Variants in CRLS1 observed in about 807,000 individuals in gnomAD.
CRLS1 encodes the protein cardiolipin synthase (CMP-forming).
In CRLS1, 24 loss-of-function variants were observed where a neutral mutation model predicts 37.0. The observed-to-expected ratio is 0.65, with a 90% CI of 0.47 to 0.91. The LOEUF (loss-of-function observed/expected upper bound fraction) is 0.91, where lower values mean the gene tolerates loss of function less well. Ranked by LOEUF, CRLS1 falls within the 40% of genes least tolerant of loss-of-function variation. The pLI is 0.00. For synonymous variants in CRLS1, 135 were observed against 159.7 expected, an observed-to-expected ratio of 0.85 and a Z score of 1.17; for missense variants, 373 against 395.8, an observed-to-expected ratio of 0.94 and a Z score of 0.49.
intron 3 of CRLS1, chr20:6,028,255 C>T (rs1378833387): frequency 6.6e-6 from 1 of 151,832 alleles, no homozygotes; most frequent in Non-Finnish European, 1.5e-5. Flanking sequence ...TCTTTTTGGT[C>T]TTTTTATGGG....
intron 6 of CRLS1, among the ~76,000 whole-genome samples, chr20:6,035,131 T>G (rs1356360030): frequency 1.3e-5 from 2 of 152,242 alleles, no homozygotes; most frequent in African/African-American, 4.8e-5. Flanking sequence ...TAACTAGAAT[T>G]AAAATTATCT....
intron 6 of CRLS1, 70 bp downstream of exon 6, chr20:6,034,625 C>A: frequency 8.8e-7 from 1 of 1,135,006 alleles, no homozygotes; most frequent in Admixed American, 1.8e-5. Flanking sequence ...CCTAGAATGA[C>A]CTTGTTCTTA....
intron 4 of CRLS1, 102 bp from the exon 5 acceptor site, chr20:6,031,910 G>A (rs1980193720): frequency 2.5e-6 from 2 of 814,662 alleles, no homozygotes; most frequent in Admixed American, 4.3e-5. Flanking sequence ...GATTTATAAA[G>A]TTATGTTGTT....
Position 6,039,411 on chromosome 20 carries a change from T to C in CRLS1, c.*2253T>C, listed in dbSNP as rs1422930642. The C allele has an allele frequency of 6.6e-6, 1 of 152,182 alleles. No individual in the cohort carries two copies. The highest frequency in any genetic ancestry group is 1.5e-5 in the Non-Finnish European group (1 of 68,036). The allele number at this position is 152,182 out of a possible 1,614,324, so 9.4% of individuals were successfully genotyped here. On this transcript the variant is annotated 3_prime_UTR_variant, in exon 7 of 7. Coordinates refer to ENST00000378863, the MANE Select transcript of CRLS1 (RefSeq NM_019095.6). ...AGGCCAATTCTTTTAGTTACATTTA[T>C]GATGAAACTAGGGATCTACCTTAAA... is the stretch of plus-strand genomic sequence containing the variant.
At chr20:6,013,747 G>A (rs2122935752) in intron 2 of CRLS1, among the ~76,000 whole-genome samples, 1 of 152,312 alleles carries the variant, frequency 6.6e-6, no homozygotes, top group East Asian at 1.9e-4. Flanking sequence ...TCATCAGTTT[G>A]AAGTGAGACC....
chr20:6,030,093 G>A (rs543975825), intron 3 of CRLS1, among the ~76,000 whole-genome samples: 6 of 150,136 alleles, frequency 4.0e-5, no homozygotes, highest in African/African-American at 1.5e-4. Flanking sequence ...TAGTTTGGAT[G>A]CTGTTGGAAC....
chr20:6,022,591 G>A (rs1979366214), intron 3 of CRLS1, among the ~76,000 whole-genome samples: 1 of 152,076 alleles, frequency 6.6e-6, no homozygotes, highest in Non-Finnish European at 1.5e-5. Context: ...ACCCACCTTG[G>A]CCTTCCAAAG....
At chr20:6,016,815 C>T (rs777214629) in intron 3 of CRLS1, among the ~76,000 whole-genome samples, 2 of 152,054 alleles carry the variant, frequency 1.3e-5, no homozygotes, top group African/African-American at 4.8e-5. Context: ...TTTTTCCAGG[C>T]TCCCATGTCT....
intron 3 of CRLS1, among the ~76,000 whole-genome samples, chr20:6,024,379 C>T (rs1041519271): frequency 5.3e-5 from 8 of 152,110 alleles, no homozygotes; most frequent in African/African-American, 1.9e-4. Flanking sequence ...GCAGTGAACC[C>T]GTCAGAGTCA....
At chr20:6,020,924 G>A (rs987316934) in intron 3 of CRLS1, among the ~76,000 whole-genome samples, 5 of 151,472 alleles carry the variant, frequency 3.3e-5, no homozygotes, top group Non-Finnish European at 1.5e-5. Context: ...GAGCCACCGC[G>A]CCCGGCCTAA....
chr20:6,035,267 T>A (rs1175768909), intron 6 of CRLS1, among the ~76,000 whole-genome samples: 2 of 152,242 alleles, frequency 1.3e-5, no homozygotes, highest in Non-Finnish European at 2.9e-5. Context: ...TGTACATTTA[T>A]CCCAGTTCAT....
At chr20:6,007,137 C>A (rs1032751738) in intron 1 of CRLS1, 6 of 913,344 alleles carry the variant, frequency 6.6e-6, no homozygotes, top group Non-Finnish European at 9.1e-6. Context: ...GCTACCCAGA[C>A]AGAAGACACC....
At chr20:6,032,451 G>T (rs1980241456) in intron 5 of CRLS1, among the ~76,000 whole-genome samples, 1 of 149,698 alleles carries the variant, frequency 6.7e-6, no homozygotes, top group African/African-American at 2.5e-5. Flanking sequence ...CTCCTGCCTT[G>T]GGTTCCCAAA....
At chr20:6,025,539 C>T (rs927680119) in intron 3 of CRLS1, among the ~76,000 whole-genome samples, 1 of 152,232 alleles carries the variant, frequency 6.6e-6, no homozygotes. Flanking sequence ...ATCCATTCTT[C>T]AGTCCTTGTC....
intron 5 of CRLS1, among the ~76,000 whole-genome samples, chr20:6,032,704 G>A (rs1189733625): frequency 2.0e-5 from 3 of 152,154 alleles, no homozygotes; most frequent in Non-Finnish European, 4.4e-5. Context: ...CGAGCATTCA[G>A]GGCAATAAGT....
chr20:6,012,716 GAA>G (rs1348162965), intron 2 of CRLS1, among the ~76,000 whole-genome samples: 1 of 152,144 alleles, frequency 6.6e-6, no homozygotes, highest in African/African-American at 2.4e-5. Flanking sequence ...TACAGAGAGA[GAA>G]ATTTGGGAGC....
At chr20:6,016,311 C>T (rs1880124519) in intron 3 of CRLS1, among the ~76,000 whole-genome samples, 3 of 152,174 alleles carry the variant, frequency 2.0e-5, no homozygotes, top group Admixed American at 6.5e-5. Flanking sequence ...AGTCTAGTCT[C>T]CCCCAACTGG....
chr20:6,006,704 G>A, intron 1 of CRLS1, 152 bp downstream of exon 1: 1 of 1,210,488 alleles, frequency 8.3e-7, no homozygotes, highest in Non-Finnish European at 1.0e-6. Context: ...AGGTCATTCG[G>A]TCGGGATGAA....
Position 6,037,075 on chromosome 20 carries a change from T to A in CRLS1, c.823T>A (p.Cys275Ser). The A allele has an allele frequency of 3.7e-6, 6 of 1,609,588 alleles. No individual in the cohort carries two copies. Among genetic ancestry groups the A allele is most frequent in the Non-Finnish European group, 5.1e-6 (6 of 1,177,054 alleles). Residue 275 changes from cysteine to serine, a missense_variant and splice_region_variant, in exon 7 of 7, where the codon TGT becomes AGT. Coordinates refer to ENST00000378863, the MANE Select transcript of CRLS1 (RefSeq NM_019095.6). ...TTTATTTCTTTTCTTCCATAAAAGG[T>A]GTTTTACAGCTTTCACCACAGCTGC... Reference protein sequence around the residue: ...ADSIYLQILWCFTAFTTAASA... With the variant: ...ADSIYLQILWSFTAFTTAASA...
Sources: allele counts gnomAD v4.1 joint callset (sites outside exome capture counted in the v4.1 genomes callset), GRCh38; gene constraint gnomAD v4.1.1; transcripts MANE v1.5; gene names NCBI Gene and HGNC (gene_info 2026-07-23, HGNC 2026-07-21).